The following CYTH4 variants were observed in gnomAD, a reference collection of about 807,000 sequenced individuals.
The protein encoded by CYTH4 is cytohesin 4.
Under a neutral mutation model 57.5 loss-of-function variants are expected in CYTH4, and 22 were observed. The observed-to-expected ratio is 0.38, with a 90% confidence interval of 0.27 to 0.55. The LOEUF is 0.55. Among genes scored for constraint, CYTH4 ranks in the 20% least tolerant of loss-of-function variants. The pLI, the probability that CYTH4 is intolerant of heterozygous loss-of-function variation, is 0.74. For missense variants in CYTH4, 420 were observed against 535.6 expected, an observed-to-expected ratio of 0.78 and a Z score of 2.13; for synonymous variants, 186 against 206.5, an observed-to-expected ratio of 0.90 and a Z score of 0.85.
At chr22:37,294,582 T>G in intron 2 of CYTH4, 78 bp from the exon 3 acceptor site, 1 of 1,514,262 alleles carries the variant, frequency 6.6e-7, no homozygotes, top group Non-Finnish European at 9.1e-7. Flanking sequence ...GGGGTAGGAG[T>G]GGTCCTTGTG....
intron 7 of CYTH4, 144 bp downstream of exon 7, chr22:37,301,163 T>G: frequency 1.5e-6 from 1 of 655,550 alleles, no homozygotes; most frequent in Non-Finnish European, 2.6e-6. Context: ...GAGCACTGAC[T>G]TCATTGCTGC....
chr22:37,285,345 G>A (rs1434595890), intron 1 of CYTH4, among the ~76,000 whole-genome samples: 2 of 150,886 alleles, frequency 1.3e-5, no homozygotes, highest in Admixed American at 6.6e-5. Context: ...GAAGGAAACG[G>A]GGTGTGTGGT....
intron 5 of CYTH4, 164 bp downstream of exon 5, chr22:37,297,846 A>G (rs1929033591): frequency 1.7e-6 from 1 of 593,048 alleles, no homozygotes; most frequent in Non-Finnish European, 3.0e-6. Flanking sequence ...TCAAAGCCTG[A>G]CTGCCTTCAT....
chr22:37,296,169 G>A, intron 4 of CYTH4, 104 bp downstream of exon 4: 1 of 1,217,784 alleles, frequency 8.2e-7, no homozygotes, highest in East Asian at 2.5e-5. Context: ...CCTTTCCAGA[G>A]GAGGAAGCTG....
At chr22:37,302,025 G>A (rs929836627) in intron 7 of CYTH4, 6 of 168,996 alleles carry the variant, frequency 3.6e-5, no homozygotes, top group Non-Finnish European at 5.9e-5. Context: ...TACATCAACC[G>A]TTTGAGGTCA....
intron 1 of CYTH4, among the ~76,000 whole-genome samples, chr22:37,286,402 T>C (rs573141984): frequency 1.3e-5 from 2 of 152,142 alleles, no homozygotes; most frequent in African/African-American, 4.8e-5. Flanking sequence ...TCGGAGTGGT[T>C]GTGGGATTCA....
rs74705816 is a variant in CYTH4, at chr22:37,304,396, G to A, written c.696+994G>A. 6.2e-5 allele frequency: 25 copies of A among 400,504 alleles called. No individual in the cohort carries two copies. The East Asian group carries it at 1.7e-3, about 28-fold the overall frequency. 24.8% of individuals were successfully genotyped at this position (400,504 alleles called of 1,614,324 possible). Reference sequence around the variant, plus strand: ...TTTCCTATGGGCCACAGGGAGCCAGGGGGTATTCATAAGAACAGGAAGGAG... The same window carrying A: ...TTTCCTATGGGCCACAGGGAGCCAGAGGGTATTCATAAGAACAGGAAGGAG... On this transcript the variant is annotated intron_variant, in intron 8 of 12. Coordinates refer to ENST00000248901, the MANE Select transcript of CYTH4 (RefSeq NM_013385.5).
intron 1 of CYTH4, among the ~76,000 whole-genome samples, chr22:37,285,750 G>A (rs1308021061): frequency 6.6e-6 from 1 of 152,132 alleles, no homozygotes; most frequent in South Asian, 2.1e-4. Flanking sequence ...TATCCCATGA[G>A]CCTACACCGG....
intron 1 of CYTH4, among the ~76,000 whole-genome samples, chr22:37,288,084 G>A (rs1928616353): frequency 6.6e-6 from 1 of 152,074 alleles, no homozygotes. Flanking sequence ...TTCGAGACCA[G>A]CCTGGCCAAC....
intron 8 of CYTH4, among the ~76,000 whole-genome samples, chr22:37,308,490 ATG>A (rs1929488916): frequency 6.6e-6 from 1 of 151,736 alleles, no homozygotes; most frequent in Non-Finnish European, 1.5e-5. Context: ...GTACGTGTGC[ATG>A]TGTGTACATG....
In CYTH4 at chr22:37,296,047, C is replaced by A; in HGVS notation, c.216C>A (p.Phe72Leu). 6.2e-7 allele frequency: 1 copy of A among 1,613,164 alleles called. No individual in the cohort carries two copies. The highest frequency in any genetic ancestry group is 8.5e-7 in the Non-Finnish European group (1 of 1,179,516). ...EKELCIGRKK[F>L]NMDPAKGIQY... ...AGCTGTGTATTGGGCGCAAGAAGTTCAACATGGACCCCGCCAAGGTAGGTG... is the reference window on the plus strand; with the variant it reads ...AGCTGTGTATTGGGCGCAAGAAGTTAAACATGGACCCCGCCAAGGTAGGTG... The change falls in exon 4 of 13, where the codon TTC becomes TTA. Residue 72 changes from phenylalanine to leucine, a missense_variant. By Grantham distance (22) the Phe-to-Leu change is conservative. Coordinates refer to ENST00000248901, the MANE Select transcript of CYTH4 (RefSeq NM_013385.5).
Position 37,301,020 on chromosome 22 carries a change from G to A in CYTH4, c.547+1G>A. The A allele has an allele frequency of 1.2e-6, 2 of 1,613,226 alleles. No individual in the cohort carries two copies. Among genetic ancestry groups the A allele is most frequent in the South Asian group, 1.1e-5 (1 of 91,000 alleles). ...AACCCAGGCGTCTTCCAGTCCACAG[G>A]TGCCAGGAGGGGAGTGGGACCCAGG... On this transcript the variant is annotated splice_donor_variant, in intron 7 of 12. Coordinates refer to ENST00000248901, the MANE Select transcript of CYTH4 (RefSeq NM_013385.5). LOFTEE classifies it high-confidence loss of function.
chr22:37,312,993 C>T (rs1159959878), intron 12 of CYTH4, among the ~76,000 whole-genome samples: 1 of 152,204 alleles, frequency 6.6e-6, no homozygotes, highest in Non-Finnish European at 1.5e-5. Flanking sequence ...GGCTGCCAGG[C>T]AGACCCATTC....
chr22:37,286,904 G>A (rs1259270688), intron 1 of CYTH4, among the ~76,000 whole-genome samples: 1 of 152,166 alleles, frequency 6.6e-6, no homozygotes, highest in Non-Finnish European at 1.5e-5. Flanking sequence ...CGAAAGCCCT[G>A]AAGTCCCCCT....
At chr22:37,302,281 G>A (rs2145864835) in intron 7 of CYTH4, among the ~76,000 whole-genome samples, 1 of 152,364 alleles carries the variant, frequency 6.6e-6, no homozygotes, top group Middle Eastern at 3.4e-3. Flanking sequence ...CCACAGCACA[G>A]AGTATGTACT....
intron 7 of CYTH4, 60 bp from the exon 8 acceptor site, chr22:37,303,194 C>T (rs1929250676): frequency 5.6e-6 from 9 of 1,602,014 alleles, no homozygotes; most frequent in African/African-American, 1.4e-5. Context: ...CTGGAAGGGG[C>T]CGGGACAGAG....
chr22:37,282,648 C>A, intron 1 of CYTH4, 60 bp downstream of exon 1: 2 of 1,424,662 alleles, frequency 1.4e-6, no homozygotes, highest in Non-Finnish European at 9.6e-7. Context: ...AATGGGACAG[C>A]AGCCCCTGCC....
chr22:37,292,838 G>A, intron 2 of CYTH4, 135 bp downstream of exon 2: 1 of 774,172 alleles, frequency 1.3e-6, no homozygotes, highest in Non-Finnish European at 2.0e-6. Context: ...CTCGGCCCCA[G>A]CCCCAGGAGC....
Position 37,311,530 on chromosome 22 carries a change from A to G in CYTH4, c.957+3A>G. The G allele has an allele frequency of 6.2e-7, 1 of 1,613,814 alleles. No homozygotes were observed. Among genetic ancestry groups the G allele is most frequent in the Non-Finnish European group, 8.5e-7 (1 of 1,179,898 alleles). Reference sequence around the variant, plus strand: ...AGGTGGATGACCCCAAGAAGCCAGTAGGTGTTCAGGTTGCAGGATCCCGAG... The same window carrying G: ...AGGTGGATGACCCCAAGAAGCCAGTGGGTGTTCAGGTTGCAGGATCCCGAG... On this transcript the variant is annotated splice_donor_region_variant and intron_variant, in intron 11 of 12. Coordinates refer to ENST00000248901, the MANE Select transcript of CYTH4 (RefSeq NM_013385.5). This position sits in a 1 kb window ranked among gnomAD's most constrained non-coding sequence, Gnocchi z 4.4.
Sources: gnomAD v4.1 joint callset for allele counts (sites outside exome capture counted in the v4.1 genomes callset) on GRCh38, gnomAD v4.1.1 for gene constraint, Gnocchi (gnomAD v3.1) non-coding constraint, MANE v1.5 for transcripts, NCBI Gene and HGNC (gene_info 2026-07-23, HGNC 2026-07-21) for gene names.